The following MEI4 variants were observed in gnomAD, a reference collection of about 807,000 sequenced individuals.
MEI4 encodes meiotic double-stranded break formation protein 4, also known as meiosis-specific protein MEI4.
A neutral mutation model predicts 31.4 loss-of-function variants in MEI4; 27 were observed. The ratio of observed to expected loss-of-function variants is 0.86; its 90% CI spans 0.63 to 1.19. MEI4 has a LOEUF of 1.19. Ranked by LOEUF, MEI4 falls within the 50% of genes most tolerant of loss-of-function variation. MEI4 has a pLI of 0.00. For synonymous variants in MEI4, 122 were observed against 145.4 expected (o/e 0.84, Z 1.16); for missense variants, 329 against 398.9 (o/e 0.82, Z 1.49).
intron 4 of MEI4, among the ~76,000 whole-genome samples, chr6:77,908,458 A>G (rs1049848901): frequency 1.1e-4 from 16 of 152,104 alleles, no homozygotes; most frequent in African/African-American, 3.4e-4. Context: ...AGTTGGTTGT[A>G]GATATGCGGC....
chr6:77,906,431 T>C (rs1766298173), intron 4 of MEI4, among the ~76,000 whole-genome samples: 1 of 112,942 alleles, frequency 8.9e-6, no homozygotes, highest in South Asian at 2.4e-4. Flanking sequence ...TGTATAGTTC[T>C]ATCAACTGAT....
At chr6:77,768,125 A>G (rs541853595) in intron 3 of MEI4, among the ~76,000 whole-genome samples, 3 of 152,322 alleles carry the variant, frequency 2.0e-5, no homozygotes, top group East Asian at 3.9e-4. Context: ...TAATGGACTC[A>G]CTGGAAGTAC....
intron 4 of MEI4, among the ~76,000 whole-genome samples, chr6:77,860,964 C>T (rs899281300): frequency 6.6e-6 from 1 of 152,210 alleles, no homozygotes; most frequent in Admixed American, 6.5e-5. Flanking sequence ...ATACCATGTT[C>T]AGCCACTTCT....
chr6:77,675,911 C>T (rs1768836349), intron 1 of MEI4, among the ~76,000 whole-genome samples: 2 of 152,282 alleles, frequency 1.3e-5, no homozygotes, highest in East Asian at 3.9e-4. Flanking sequence ...TATGGCTGTT[C>T]TCATGGCCAT....
chr6:77,730,848 A>G (rs1039716498), intron 2 of MEI4, among the ~76,000 whole-genome samples: 6 of 141,910 alleles, frequency 4.2e-5, no homozygotes, highest in Admixed American at 2.3e-4. Context: ...TCATTGTTCA[A>G]TTCCCGCCTA....
chr6:77,758,155 C>CAAAAA (rs58249702), intron 2 of MEI4, among the ~76,000 whole-genome samples: 25 of 115,728 alleles, frequency 2.2e-4, no homozygotes, highest in African/African-American at 3.3e-4. Context: ...CTCCATCTCA[C>CAAAAA]AAAAAAAAAA....
At chr6:77,835,435 T>A (rs1582197741) in intron 4 of MEI4, among the ~76,000 whole-genome samples, 5 of 134,230 alleles carry the variant, frequency 3.7e-5, no homozygotes, top group Middle Eastern at 3.8e-3. Context: ...AGAAAAAAGC[T>A]CCCAAAAACA....
At chr6:77,669,424 A>G (rs1483224046) in intron 1 of MEI4, among the ~76,000 whole-genome samples, 1 of 152,238 alleles carries the variant, frequency 6.6e-6, no homozygotes, top group Non-Finnish European at 1.5e-5. Flanking sequence ...TTTCTGCACC[A>G]TCTTTTGCAG....
chr6:77,869,315 TC>T (rs1178052394), intron 4 of MEI4, among the ~76,000 whole-genome samples: 1 of 152,144 alleles, frequency 6.6e-6, no homozygotes, highest in East Asian at 1.9e-4. Context: ...TCTCACATAT[TC>T]ATATGTCGAA....
chr6:77,821,054 A>G (rs552809992), intron 3 of MEI4, among the ~76,000 whole-genome samples: 3 of 151,846 alleles, frequency 2.0e-5, no homozygotes, highest in African/African-American at 7.2e-5. Flanking sequence ...TACATTTTCC[A>G]GTTTATTGCC....
chr6:77,839,026 T>C (rs1038474998), intron 4 of MEI4, among the ~76,000 whole-genome samples: 4 of 152,148 alleles, frequency 2.6e-5, no homozygotes, highest in Non-Finnish European at 5.9e-5. Flanking sequence ...TTTCCTTTTT[T>C]TCAATGTCCA....
At chr6:77,703,155 C>T (rs1039135172) in intron 2 of MEI4, among the ~76,000 whole-genome samples, 13 of 152,112 alleles carry the variant, frequency 8.5e-5, no homozygotes, top group Admixed American at 5.2e-4. Context: ...GGGACATGTT[C>T]GGTGGTTATT....
chr6:77,743,714 C>T (rs189572235), intron 2 of MEI4, among the ~76,000 whole-genome samples: 10 of 152,120 alleles, frequency 6.6e-5, no homozygotes, highest in Admixed American at 1.3e-4. Context: ...CTGGGAGGCA[C>T]CCCCCAGTAG....
chr6:77,885,932 C>T (rs1771608576), intron 4 of MEI4, among the ~76,000 whole-genome samples: 2 of 151,646 alleles, frequency 1.3e-5, no homozygotes, highest in Non-Finnish European at 2.9e-5. Context: ...AATTTTTTTC[C>T]TCATTCTGTT....
At chr6:77,903,745 G>T (rs1009641183) in intron 4 of MEI4, among the ~76,000 whole-genome samples, 6 of 152,048 alleles carry the variant, frequency 3.9e-5, no homozygotes, top group Non-Finnish European at 4.4e-5. Context: ...AGCATGAAAT[G>T]ATGTTTAATT....
intron 2 of MEI4, among the ~76,000 whole-genome samples, chr6:77,727,922 ATTAG>A (rs3079761): frequency 0.14 from 20,903 of 152,156 alleles, 1,506 homozygotes; most frequent in Middle Eastern, 0.21. Flanking sequence ...ACAGATGTAC[ATTAG>A]TTAGAGAAAA....
intron 3 of MEI4, among the ~76,000 whole-genome samples, chr6:77,792,717 ATTT>A (rs1202853502): frequency 7.1e-6 from 1 of 140,578 alleles, no homozygotes; most frequent in Non-Finnish European, 1.6e-5. Flanking sequence ...TCCCAACACT[ATTT>A]TTTTTTTTTT....
intron 2 of MEI4, among the ~76,000 whole-genome samples, chr6:77,743,235 G>C (rs962277681): frequency 2.6e-5 from 4 of 152,128 alleles, no homozygotes; most frequent in African/African-American, 7.2e-5. Flanking sequence ...TCATGATATT[G>C]ATTCTTCCTA....
At chr6:77,896,532 G>A (rs547248244) in intron 4 of MEI4, among the ~76,000 whole-genome samples, 33 of 152,116 alleles carry the variant, frequency 2.2e-4, no homozygotes, top group African/African-American at 6.3e-4. Flanking sequence ...AGCTAGTTTC[G>A]TAAATACTGT....
Sources: allele counts gnomAD v4.1 joint callset (sites outside exome capture counted in the v4.1 genomes callset), GRCh38; gene constraint gnomAD v4.1.1; transcripts MANE v1.5; gene names NCBI Gene and HGNC (gene_info 2026-07-23, HGNC 2026-07-21).